CDH4: variants seen among roughly 807,000 people sequenced by gnomAD.
CDH4 encodes cadherin 4.
A neutral mutation model predicts 86.0 loss-of-function variants in CDH4; 33 were observed. That is an observed-to-expected ratio of 0.38 (90% confidence interval 0.29 to 0.51). The LOEUF (loss-of-function observed/expected upper bound fraction) is 0.51. CDH4 is among the 20% of genes least tolerant of loss of function. The pLI, the probability that CDH4 is intolerant of heterozygous loss-of-function variation, is 0.86. For synonymous variants in CDH4, 555 were observed against 549.4 expected, an observed-to-expected ratio of 1.01 and a Z score of -0.14; for missense variants, 1,114 against 1,307.4, an observed-to-expected ratio of 0.85 and a Z score of 2.28.
At chr20:61,360,724 G>A (rs1363852319) in intron 2 of CDH4, among the ~76,000 whole-genome samples, 1 of 152,110 alleles carries the variant, frequency 6.6e-6, no homozygotes, top group Admixed American at 6.5e-5. Flanking sequence ...GGTCATGGGG[G>A]TTTCTGAACT....
intron 2 of CDH4, among the ~76,000 whole-genome samples, chr20:61,739,983 G>A (rs148091908): frequency 1.6e-4 from 24 of 152,288 alleles, no homozygotes; most frequent in East Asian, 9.6e-4. Context: ...AGTGCATGCC[G>A]ACACCCACAC....
intron 3 of CDH4, among the ~76,000 whole-genome samples, chr20:61,760,687 AG>A (rs1281294914): frequency 1.3e-5 from 2 of 152,258 alleles, no homozygotes; most frequent in Admixed American, 6.5e-5. Flanking sequence ...GACACAGTGA[AG>A]AAATAACTGC....
chr20:61,658,545 G>A lies in CDH4; in HGVS notation c.170-85018G>A, dbSNP rs558320735. On this transcript the variant is annotated intron_variant, in intron 2 of 15. Coordinates refer to ENST00000614565, the MANE Select transcript of CDH4 (RefSeq NM_001794.5). Reference sequence around the variant, plus strand: ...GCCTGCCCTGCACAAAACTCAGGAGGCCGAGTACCTGCAAGGAGCAAAGGA... The same window carrying A: ...GCCTGCCCTGCACAAAACTCAGGAGACCGAGTACCTGCAAGGAGCAAAGGA... Among the ~76,000 whole-genome samples, 324 of 152,278 alleles carry A rather than the reference G, an allele frequency of 2.1e-3. 3 individuals are homozygous for A. The highest frequency in any genetic ancestry group is 3.8e-3 in the Non-Finnish European group (257 of 68,026).
chr20:61,520,021 C>T (rs1024985589), intron 2 of CDH4, among the ~76,000 whole-genome samples: 14 of 152,218 alleles, frequency 9.2e-5, no homozygotes, highest in Non-Finnish European at 2.1e-4. Flanking sequence ...GACACACAGA[C>T]TTGCGTGTGT....
chr20:61,260,656 C>T (rs2084123107), intron 2 of CDH4, among the ~76,000 whole-genome samples: 1 of 152,180 alleles, frequency 6.6e-6, no homozygotes, highest in Admixed American at 6.5e-5. Context: ...CACCCAGACC[C>T]CCACTGCCTC....
chr20:61,750,358 A>T (rs868623377), intron 3 of CDH4, among the ~76,000 whole-genome samples: 70 of 152,346 alleles, frequency 4.6e-4, no homozygotes, highest in African/African-American at 1.5e-3. Flanking sequence ...ATTTATACCA[A>T]TACACTTAAA....
intron 2 of CDH4, among the ~76,000 whole-genome samples, chr20:61,690,095 G>A (rs867430160): frequency 5.3e-5 from 8 of 149,724 alleles, no homozygotes; most frequent in Middle Eastern, 3.2e-3. Flanking sequence ...ATTCTGACAG[G>A]GACAGTGGTT....
chr20:61,563,196 C>T (rs2086235136), intron 2 of CDH4, among the ~76,000 whole-genome samples: 1 of 152,242 alleles, frequency 6.6e-6, no homozygotes, highest in Non-Finnish European at 1.5e-5. Context: ...CTTGGCACTG[C>T]CCAGCGGCAG....
intron 2 of CDH4, among the ~76,000 whole-genome samples, chr20:61,382,689 G>A (rs904957157): frequency 2.6e-5 from 4 of 152,142 alleles, no homozygotes; most frequent in African/African-American, 7.2e-5. Flanking sequence ...TTCCAGCCTT[G>A]GGCGGCCATG....
At chr20:61,411,130 C>CCATCCATT (rs2085117043) in intron 2 of CDH4, among the ~76,000 whole-genome samples, 2 of 150,684 alleles carry the variant, frequency 1.3e-5, no homozygotes, top group African/African-American at 4.9e-5. Flanking sequence ...TTCCATCCAT[C>CCATCCATT]CATCCATCCA....
rs372307490 is a variant in CDH4 at position 61,807,557 on chromosome 20, AG to A, written c.576+34376del. The stretch of plus-strand genomic sequence containing the variant: ...TCAAGGTGCAGCTGTGTCCACCATC[AG>A]CGAGGGGAGTGTGACCAAGGGCAGG... On this transcript the variant is annotated intron_variant, in intron 4 of 15. Transcript: ENST00000614565. This position sits in a 1 kb window ranked among gnomAD's most constrained non-coding sequence, Gnocchi z 4.5. 2.6e-5 allele frequency among the ~76,000 whole-genome samples: 4 copies of A among 152,314 alleles called. No homozygotes were observed. In the South Asian group the frequency reaches 8.3e-4, roughly 32 times the overall value.
At chr20:61,796,970 T>C (rs1315188093) in intron 4 of CDH4, among the ~76,000 whole-genome samples, 1 of 151,978 alleles carries the variant, frequency 6.6e-6, no homozygotes, top group Admixed American at 6.5e-5. Context: ...GGGAGCGCCA[T>C]ACAGCGCCAG....
chr20:61,259,838 G>A (rs940053015), intron 2 of CDH4, among the ~76,000 whole-genome samples: 5 of 152,210 alleles, frequency 3.3e-5, no homozygotes, highest in Non-Finnish European at 7.3e-5. Flanking sequence ...TTTGGGGAAA[G>A]CTGTTTTTAT....
intron 2 of CDH4, among the ~76,000 whole-genome samples, chr20:61,537,667 G>A (rs2086007641): frequency 6.6e-6 from 1 of 152,216 alleles, no homozygotes; most frequent in Non-Finnish European, 1.5e-5. Flanking sequence ...CCACTCACGA[G>A]GCGTTGTGAG....
chr20:61,451,173 T>C (rs1236480236), intron 2 of CDH4, among the ~76,000 whole-genome samples: 1 of 147,200 alleles, frequency 6.8e-6, no homozygotes, highest in Non-Finnish European at 1.5e-5. Flanking sequence ...GTTTCTTCAA[T>C]AGAGTCTTGA....
At position 61,367,267 on chromosome 20, in the gene CDH4, C is replaced by A. The variant is rs140950596; in HGVS notation, c.169+112330C>A. ...ACCTGAGAGTGTCTTCAGTTAAATG[C>A]TCGCTCTGTGCTAAACACATTCTGG... On this transcript the variant is annotated intron_variant, in intron 2 of 15. Coordinates refer to ENST00000614565, the MANE Select transcript of CDH4 (RefSeq NM_001794.5). 5.3e-3 allele frequency among the ~76,000 whole-genome samples: 804 copies of A among 151,438 alleles called. 5 individuals carry two copies. Among genetic ancestry groups the A allele is most frequent in the African/African-American group, 0.019 (775 of 41,060 alleles).
At chr20:61,838,759 G>A (rs761890790) in intron 4 of CDH4, among the ~76,000 whole-genome samples, 6 of 150,214 alleles carry the variant, frequency 4.0e-5, no homozygotes, top group African/African-American at 4.9e-5. Flanking sequence ...AGGAAGTGGA[G>A]GTTGCAGTGA....
At chr20:61,477,933 C>G (rs2085548345) in intron 2 of CDH4, among the ~76,000 whole-genome samples, 3 of 152,224 alleles carry the variant, frequency 2.0e-5, no homozygotes, top group Admixed American at 1.3e-4. Flanking sequence ...CTCTCTCCGT[C>G]TTACACACAG....
At chr20:61,668,293 A>T (rs755307583) in intron 2 of CDH4, among the ~76,000 whole-genome samples, 7 of 152,118 alleles carry the variant, frequency 4.6e-5, no homozygotes, top group Non-Finnish European at 8.8e-5. Flanking sequence ...CCCTCTATTG[A>T]CAGACAGACA....
Sources: allele counts gnomAD v4.1 joint callset (sites outside exome capture counted in the v4.1 genomes callset), GRCh38; gene constraint gnomAD v4.1.1; non-coding constraint Gnocchi (gnomAD v3.1); transcripts MANE v1.5; gene names NCBI Gene and HGNC (gene_info 2026-07-23, HGNC 2026-07-21).